FHIT: variants seen among roughly 807,000 people sequenced by gnomAD.
FHIT encodes the protein bis(5'-adenosyl)-triphosphatase.
In FHIT, 19 loss-of-function variants were observed where a neutral mutation model predicts 17.9. That is an observed-to-expected ratio of 1.06 (90% CI 0.74 to 1.56). The LOEUF (loss-of-function observed/expected upper bound fraction) is 1.56, where lower values mean the gene tolerates loss of function less well. FHIT is among the 40% of genes most tolerant of loss of function. The pLI is 0.00. For synonymous variants in FHIT, 81 were observed against 69.7 expected (o/e 1.16, Z -0.81); for missense variants, 248 against 189.2 (o/e 1.31, Z -1.82).
intron 8 of FHIT, among the ~76,000 whole-genome samples, chr3:59,838,825 T>C (rs1332761210): frequency 2.6e-5 from 4 of 152,136 alleles, no homozygotes; most frequent in Non-Finnish European, 5.9e-5. Context: ...TGAGGAGCCC[T>C]AGATTTGGCA....
chr3:61,131,384 ATGGGCTAGCATCCATCTTTGGT>A (rs2036758711), intron 2 of FHIT, among the ~76,000 whole-genome samples: 1 of 152,210 alleles, frequency 6.6e-6, no homozygotes. Context: ...AAAAAGGTGG[ATGGGCTAGCATCCATCTTTGGT>A]TGTTATCAAA....
chr3:59,912,250 A>G (rs573773083), intron 8 of FHIT, among the ~76,000 whole-genome samples: 15 of 152,312 alleles, frequency 9.8e-5, no homozygotes, highest in African/African-American at 2.2e-4. Context: ...AAGGAGTCCA[A>G]TTCAGCCTTA....
chr3:60,837,366 T>C (rs1702575106), intron 3 of FHIT, among the ~76,000 whole-genome samples: 1 of 152,194 alleles, frequency 6.6e-6, no homozygotes, highest in African/African-American at 2.4e-5. Flanking sequence ...CTTTTCTCTT[T>C]TCTTTGTCAG....
At chr3:60,271,870 G>A (rs1706882725) in intron 5 of FHIT, among the ~76,000 whole-genome samples, 1 of 152,210 alleles carries the variant, frequency 6.6e-6, no homozygotes, top group African/African-American at 2.4e-5. Context: ...CTTCTGAATT[G>A]CTGACCATAA....
chr3:60,896,884 A>G (rs1467810875), intron 3 of FHIT, among the ~76,000 whole-genome samples: 1 of 152,210 alleles, frequency 6.6e-6, no homozygotes, highest in Non-Finnish European at 1.5e-5. Flanking sequence ...GAGAAGTACT[A>G]CATCACTGTC....
intron 4 of FHIT, among the ~76,000 whole-genome samples, chr3:60,638,182 A>T (rs1410503911): frequency 1.3e-5 from 2 of 152,194 alleles, no homozygotes; most frequent in Admixed American, 1.3e-4. Flanking sequence ...TTAAACACTT[A>T]CCCTGCCTTT....
In FHIT at chr3:59,786,521, C is replaced by T. The variant is rs923467966; in HGVS notation, c.349-34200G>A. The stretch of plus-strand genomic sequence containing the variant: ...CAGGGAAAGAACTGTGTCAGACGTG[C>T]GATGCGTGATAAAATACTACGGTAA... On this transcript the variant is annotated intron_variant, in intron 8 of 9. Coordinates refer to ENST00000492590, the MANE Select transcript of FHIT (RefSeq NM_002012.4). 5.3e-5 allele frequency among the ~76,000 whole-genome samples: 8 copies of T among 152,278 alleles called. No individual in the cohort carries two copies. The East Asian group carries it at 1.4e-3, about 26-fold the overall frequency.
chr3:61,170,876 C>T (rs1465569972), intron 2 of FHIT, among the ~76,000 whole-genome samples: 1 of 152,100 alleles, frequency 6.6e-6, no homozygotes, highest in Non-Finnish European at 1.5e-5. Context: ...TATACTCCTT[C>T]AGGTATATAG....
chr3:61,155,597 T>A (rs56296603), intron 2 of FHIT, among the ~76,000 whole-genome samples: 15,653 of 152,270 alleles, frequency 0.1, 904 homozygotes, highest in South Asian at 0.2. Flanking sequence ...TTCTCCTTTT[T>A]TTCTTCTTCG....
chr3:60,127,387 G>A (rs972451097), intron 5 of FHIT, among the ~76,000 whole-genome samples: 7 of 152,064 alleles, frequency 4.6e-5, no homozygotes, highest in African/African-American at 1.7e-4. Context: ...AAGTTGACAG[G>A]TCTATAAATG....
intron 2 of FHIT, among the ~76,000 whole-genome samples, chr3:61,057,175 G>A (rs1214895522): frequency 6.6e-6 from 1 of 152,192 alleles, no homozygotes; most frequent in African/African-American, 2.4e-5. Flanking sequence ...TCTTGTTAAT[G>A]CAATATTCCT....
At chr3:59,928,837 A>G (rs528290405) in intron 7 of FHIT, among the ~76,000 whole-genome samples, 1 of 152,166 alleles carries the variant, frequency 6.6e-6, no homozygotes, top group African/African-American at 2.4e-5. Context: ...TCTACTAAAA[A>G]TACAAAAATT....
At chr3:60,874,005 A>C (rs894739810) in intron 3 of FHIT, among the ~76,000 whole-genome samples, 1 of 151,920 alleles carries the variant, frequency 6.6e-6, no homozygotes, top group African/African-American at 2.4e-5. Context: ...AAAATTGTCC[A>C]CTCTCCCCAA....
intron 1 of FHIT, 49 bp from the exon 2 acceptor site, chr3:61,200,714 CA>C (rs1481495613): frequency 3.3e-5 from 5 of 152,620 alleles, no homozygotes; most frequent in African/African-American, 1.2e-4. Context: ...AGTACAACAA[CA>C]AACATTTTCT....
Position 60,896,523 on chromosome 3 carries a change from C to T in FHIT, c.-110-74512G>A, listed in dbSNP as rs371245173. ...CACAAAATAATACATTTACTTAATC[C>T]TACAATGGATACAAAGTAATTTCAG... On this transcript the variant is annotated intron_variant, in intron 3 of 9. Transcript: ENST00000492590. 6.6e-5 allele frequency among the ~76,000 whole-genome samples: 10 copies of T among 152,240 alleles called. No homozygotes were observed. The South Asian group carries it at 1.7e-3, about 25-fold the overall frequency.
At chr3:60,298,083 C>T (rs116365203) in intron 5 of FHIT, among the ~76,000 whole-genome samples, 2,078 of 151,914 alleles carry the variant, frequency 0.014, 23 homozygotes, top group Middle Eastern at 0.034. Flanking sequence ...GTAGACCTTC[C>T]CTCTCTGGGA....
chr3:59,839,320 AAAAAAAAAAAAC>A (rs1210295378), intron 8 of FHIT, among the ~76,000 whole-genome samples: 1 of 2,024 alleles, frequency 4.9e-4, no homozygotes, highest in Admixed American at 0.038. Flanking sequence ...TTCATTTTCA[AAAAAAAAAAAAC>A]AAAAAGAAAA....
intron 8 of FHIT, among the ~76,000 whole-genome samples, chr3:59,917,676 C>T (rs1433611392): frequency 1.3e-5 from 2 of 152,114 alleles, no homozygotes; most frequent in African/African-American, 4.8e-5. Context: ...CTTCAGCAGA[C>T]AATCTGCTTT....
chr3:60,714,238 T>C (rs568411809), intron 4 of FHIT, among the ~76,000 whole-genome samples: 12 of 152,240 alleles, frequency 7.9e-5, no homozygotes, highest in South Asian at 4.2e-4. Context: ...CAACAACCCT[T>C]CATGCTAAAA....
Sources: gnomAD v4.1 joint callset for allele counts (sites outside exome capture counted in the v4.1 genomes callset) on GRCh38, gnomAD v4.1.1 for gene constraint, MANE v1.5 for transcripts, NCBI Gene and HGNC (gene_info 2026-07-23, HGNC 2026-07-21) for gene names.